IFT57: variants seen among roughly 807,000 people sequenced by gnomAD.
IFT57 encodes the protein intraflagellar transport 57.
IFT57 carries 59 observed loss-of-function variants against 56.8 expected under a neutral mutation model. The observed-to-expected ratio is 1.04, with a 90% CI of 0.84 to 1.29. IFT57 has a LOEUF of 1.29. Ranked by LOEUF, IFT57 falls within the 50% of genes most tolerant of loss-of-function variation. IFT57 has a pLI of 0.00. For missense variants in IFT57, 470 were observed against 522.1 expected (o/e 0.90, Z 0.97); for synonymous variants, 209 against 186.1 (o/e 1.12, Z -1.00).
intron 3 of IFT57, among the ~76,000 whole-genome samples, chr3:108,216,811 C>G (rs2080375455): frequency 6.6e-6 from 1 of 152,156 alleles, no homozygotes; most frequent in African/African-American, 2.4e-5. Flanking sequence ...GCAATTCTGT[C>G]ATTTGTAGCA....
At chr3:108,216,133 C>T (rs182936616) in intron 3 of IFT57, among the ~76,000 whole-genome samples, 17 of 151,936 alleles carry the variant, frequency 1.1e-4, no homozygotes, top group African/African-American at 3.9e-4. Flanking sequence ...TAAACAAATG[C>T]GATTACATCA....
chr3:108,209,374 A>G (rs1020941984), intron 4 of IFT57, among the ~76,000 whole-genome samples: 1 of 152,214 alleles, frequency 6.6e-6, no homozygotes, highest in African/African-American at 2.4e-5. Flanking sequence ...TTGTATGCAG[A>G]GCAGTTACAT....
chr3:108,218,364 C>A, intron 3 of IFT57, 171 bp downstream of exon 3: 1 of 437,404 alleles, frequency 2.3e-6, no homozygotes, highest in Non-Finnish European at 4.1e-6. Flanking sequence ...GTTTTGAAGA[C>A]GTGAGACATT....
intron 6 of IFT57, among the ~76,000 whole-genome samples, chr3:108,182,944 T>TA (rs1237426314): frequency 6.6e-6 from 1 of 152,154 alleles, no homozygotes; most frequent in African/African-American, 2.4e-5. Context: ...ATCAAAATTC[T>TA]AATTACAATA....
At chr3:108,176,311 G>A (rs1223283566) in intron 6 of IFT57, among the ~76,000 whole-genome samples, 2 of 151,814 alleles carry the variant, frequency 1.3e-5, no homozygotes, top group African/African-American at 2.4e-5. Context: ...TAACGTATGA[G>A]AAAGAAATCC....
chr3:108,213,440 T>A (rs1576050424), intron 4 of IFT57, among the ~76,000 whole-genome samples: 1 of 152,210 alleles, frequency 6.6e-6, no homozygotes, highest in African/African-American at 2.4e-5. Context: ...ATGGATGGCA[T>A]GTAAAACATG....
chr3:108,162,567 T>A lies in IFT57; in HGVS notation c.1200A>T (p.Thr400=). 2 of 1,613,334 alleles carry A rather than the reference T, an allele frequency of 1.2e-6. No homozygotes were observed. The highest frequency in any genetic ancestry group is 1.7e-6 in the Non-Finnish European group (2 of 1,179,464). ...TCTCCTTCAGCTTTGATTGGAGTAG[T>A]GTGTGTTCCACAATGCCAATTCTAA... ...MDIRIGIVEH[T]LLQSKLKEKS... The change falls in exon 11 of 11, where the codon ACA becomes ACT. Residue 400 remains threonine, a synonymous_variant. Coordinates refer to ENST00000264538, the MANE Select transcript of IFT57 (RefSeq NM_018010.4).
chr3:108,185,414 T>C (rs980249128), intron 6 of IFT57, among the ~76,000 whole-genome samples: 14 of 152,126 alleles, frequency 9.2e-5, no homozygotes, highest in Non-Finnish European at 1.5e-4. Flanking sequence ...GATGAGTTCC[T>C]AGGTGCCATT....
At chr3:108,204,990 GT>G (rs2080301528) in intron 5 of IFT57, among the ~76,000 whole-genome samples, 1 of 152,104 alleles carries the variant, frequency 6.6e-6, no homozygotes, top group African/African-American at 2.4e-5. Flanking sequence ...TATAACTGGA[GT>G]TTAGATTTAA....
At chr3:108,189,607 G>T (rs534049491) in intron 6 of IFT57, among the ~76,000 whole-genome samples, 1 of 152,162 alleles carries the variant, frequency 6.6e-6, no homozygotes, top group East Asian at 1.9e-4. Flanking sequence ...TTATCTAGAT[G>T]TCTCTTTAGC....
intron 3 of IFT57, among the ~76,000 whole-genome samples, chr3:108,217,751 T>A (rs1413192564): frequency 6.6e-6 from 1 of 151,432 alleles, no homozygotes. Flanking sequence ...CACTGCTTAC[T>A]CGCATTTTAC....
At chr3:108,221,917 A>AGTT (rs2080408190) in intron 1 of IFT57, 194 bp downstream of exon 1, 1 of 1,161,796 alleles carries the variant, frequency 8.6e-7, no homozygotes, top group Non-Finnish European at 1.2e-6. Context: ...TCTCTCTACA[A>AGTT]AAATACCAAG....
intron 3 of IFT57, among the ~76,000 whole-genome samples, chr3:108,216,527 G>A (rs1447685589): frequency 2.0e-5 from 3 of 152,158 alleles, no homozygotes; most frequent in Non-Finnish European, 4.4e-5. Context: ...CTATTGGTAG[G>A]TATGTAAATT....
chr3:108,173,997 A>AGTGTGT (rs34537693), intron 6 of IFT57, among the ~76,000 whole-genome samples: 2 of 100,714 alleles, frequency 2.0e-5, no homozygotes, highest in Admixed American at 1.0e-4. Flanking sequence ...CATATATTTG[A>AGTGTGT]GTGTGTGTGT....
intron 1 of IFT57, among the ~76,000 whole-genome samples, chr3:108,221,265 C>A (rs2080404219): frequency 1.3e-5 from 2 of 152,134 alleles, no homozygotes; most frequent in Non-Finnish European, 2.9e-5. Flanking sequence ...ATACTGATTG[C>A]CTTTTATGGA....
rs376040100 is a variant in IFT57 at position 108,214,100 on chromosome 3, C to T, written c.495-79G>A. The T allele has an allele frequency of 8.0e-5, 61 of 759,184 alleles. No homozygotes were observed. In the East Asian group the frequency reaches 1.5e-3, roughly 19 times the overall value. 47.0% of individuals were successfully genotyped at this position (759,184 alleles called of 1,614,324 possible). A position where few individuals can be genotyped will look rare whatever the true frequency, so the allele number is the denominator to read the frequency against. On this transcript the variant is annotated intron_variant, in intron 3 of 10. Transcript: ENST00000264538. ...AAAAATCATAATGCAAATATCATGT[C>T]CTCTATGCCAGGTTTTGTCCTTTTT...
chr3:108,188,371 C>A (rs529857669), intron 6 of IFT57, among the ~76,000 whole-genome samples: 1 of 152,144 alleles, frequency 6.6e-6, no homozygotes, highest in African/African-American at 2.4e-5. Flanking sequence ...TCACCTGACC[C>A]TAAAGGTGTA....
chr3:108,205,205 C>T (rs1200426075), intron 5 of IFT57, among the ~76,000 whole-genome samples: 1 of 152,012 alleles, frequency 6.6e-6, no homozygotes, highest in Admixed American at 6.6e-5. Context: ...TTTGCCAGTG[C>T]TGAGTACTTT....
In IFT57 at chr3:108,222,333, A is replaced by C. The variant is rs1465402096; in HGVS notation, c.-11T>G. The stretch of plus-strand genomic sequence containing the variant: ...CAGAGCAGCAGTCATCGCAGAACGG[A>C]CAGAGTCCAGCGTGGGCTCAGGCCC... On this transcript the variant is annotated 5_prime_UTR_variant, in exon 1 of 11. Coordinates refer to ENST00000264538, the MANE Select transcript of IFT57 (RefSeq NM_018010.4). The C allele has an allele frequency of 6.2e-7, 1 of 1,601,164 alleles. No homozygotes were observed. Among genetic ancestry groups the C allele is most frequent in the East Asian group, 2.2e-5 (1 of 44,768 alleles).
Sources: allele counts gnomAD v4.1 joint callset (sites outside exome capture counted in the v4.1 genomes callset), GRCh38; gene constraint gnomAD v4.1.1; transcripts MANE v1.5; gene names NCBI Gene and HGNC (gene_info 2026-07-23, HGNC 2026-07-21).